Variants in CCDC148 observed in about 807,000 individuals in gnomAD.
CCDC148 encodes coiled-coil domain-containing protein 148.
Under a neutral mutation model 85.7 loss-of-function variants are expected in CCDC148, and 89 were observed. The ratio of observed to expected loss-of-function variants is 1.04; its 90% CI spans 0.87 to 1.24. CCDC148 has a LOEUF of 1.24. Ranked by LOEUF, CCDC148 falls within the 50% of genes most tolerant of loss-of-function variation. The pLI is 0.00. For missense variants in CCDC148, 692 were observed against 671.7 expected, an observed-to-expected ratio of 1.03 and a Z score of -0.33; for synonymous variants, 230 against 213.9, an observed-to-expected ratio of 1.08 and a Z score of -0.66.
chr2:158,278,665 T>A (rs1690090624), intron 9 of CCDC148, among the ~76,000 whole-genome samples: 1 of 152,262 alleles, frequency 6.6e-6, no homozygotes, highest in Admixed American at 6.5e-5. Flanking sequence ...CAAGGAGGCC[T>A]GCCTGCCTCT....
chr2:158,345,761 A>G (rs1489384363), intron 2 of CCDC148, among the ~76,000 whole-genome samples: 2 of 152,148 alleles, frequency 1.3e-5, no homozygotes, highest in African/African-American at 4.8e-5. Context: ...TCAAGATTAT[A>G]AAGCTCATAA....
At chr2:158,331,002 A>G (rs992329321) in intron 7 of CCDC148, among the ~76,000 whole-genome samples, 4 of 151,812 alleles carry the variant, frequency 2.6e-5, no homozygotes, top group African/African-American at 9.7e-5. Context: ...TTCTGTCTCT[A>G]TTTCCTTCAG....
chr2:158,331,971 C>T (rs1693154081), intron 7 of CCDC148, among the ~76,000 whole-genome samples: 1 of 152,132 alleles, frequency 6.6e-6, no homozygotes, highest in Non-Finnish European at 1.5e-5. Context: ...ATTTGCCAGT[C>T]TGTGTCTTTT....
intron 7 of CCDC148, among the ~76,000 whole-genome samples, chr2:158,320,461 G>A (rs1692470364): frequency 6.6e-6 from 1 of 152,092 alleles, no homozygotes; most frequent in Admixed American, 6.6e-5. Context: ...ACTGCAATTG[G>A]ACTTCAAGGT....
chr2:158,322,373 A>T (rs1348436890), intron 7 of CCDC148, among the ~76,000 whole-genome samples: 1 of 152,102 alleles, frequency 6.6e-6, no homozygotes, highest in Non-Finnish European at 1.5e-5. Flanking sequence ...TCATAGAAGC[A>T]GCTCAGTAAC....
At chr2:158,247,812 C>T (rs991346398) in intron 10 of CCDC148, among the ~76,000 whole-genome samples, 4 of 152,030 alleles carry the variant, frequency 2.6e-5, no homozygotes, top group Non-Finnish European at 2.9e-5. Context: ...GCCAAGATCA[C>T]GCCATTGCAC....
intron 2 of CCDC148, among the ~76,000 whole-genome samples, chr2:158,355,037 G>A (rs1232954030): frequency 6.6e-6 from 1 of 152,064 alleles, no homozygotes; most frequent in African/African-American, 2.4e-5. Flanking sequence ...AATCCTTCAT[G>A]CTAAAAACTC....
At chr2:158,359,641 G>A (rs1474350735) in intron 1 of CCDC148, among the ~76,000 whole-genome samples, 1 of 152,152 alleles carries the variant, frequency 6.6e-6, no homozygotes, top group Non-Finnish European at 1.5e-5. Flanking sequence ...GAGGAATGGT[G>A]CACCCCAGCC....
intron 1 of CCDC148, among the ~76,000 whole-genome samples, chr2:158,431,007 G>T (rs1024691930): frequency 6.6e-6 from 1 of 151,426 alleles, no homozygotes; most frequent in African/African-American, 2.4e-5. Flanking sequence ...TGAACTTAAA[G>T]ACACAACAAT....
rs1686991761 is a variant in CCDC148 at position 158,424,711 on chromosome 2, T to C, written c.25+31704A>G. 4 of 131,008 alleles carry C rather than the reference T, an allele frequency of 3.1e-5. No homozygotes were observed. In the South Asian group the frequency reaches 4.1e-4, roughly 14 times the overall value. 8.1% of individuals were successfully genotyped at this position (131,008 alleles called of 1,614,324 possible). A position where few individuals can be genotyped will look rare whatever the true frequency, so the allele number is the denominator to read the frequency against. Reference sequence around the variant, plus strand: ...TGCACATGTACCCTAGAACTTAAAGTATAATAATAAAAAAAAGGGAAAGAA... The same window carrying C: ...TGCACATGTACCCTAGAACTTAAAGCATAATAATAAAAAAAAGGGAAAGAA... On this transcript the variant is annotated intron_variant, in intron 1 of 13. Coordinates refer to ENST00000283233, the MANE Select transcript of CCDC148 (RefSeq NM_138803.4).
intron 10 of CCDC148, among the ~76,000 whole-genome samples, chr2:158,222,401 T>G (rs1013144770): frequency 6.6e-6 from 1 of 152,152 alleles, no homozygotes; most frequent in Admixed American, 6.5e-5. Context: ...GTTATTTCCA[T>G]CTTTGACTCT....
At chr2:158,288,751 G>C in intron 9 of CCDC148, 1 of 399,264 alleles carries the variant, frequency 2.5e-6, no homozygotes, top group South Asian at 1.9e-5. Context: ...ACATTTTCGG[G>C]TATCTTTTCA....
intron 1 of CCDC148, among the ~76,000 whole-genome samples, chr2:158,452,945 C>A (rs1374991908): frequency 3.3e-5 from 5 of 152,214 alleles, no homozygotes; most frequent in Admixed American, 6.5e-5. Context: ...ACTTGCTTAG[C>A]AAAGCTGAGT....
chr2:158,347,600 C>T (rs996294655), intron 2 of CCDC148, among the ~76,000 whole-genome samples: 20 of 151,916 alleles, frequency 1.3e-4, no homozygotes, highest in African/African-American at 3.4e-4. Flanking sequence ...AGAATGCTGA[C>T]GATTCAAAAA....
At chr2:158,238,599 G>T (rs1559008922) in intron 10 of CCDC148, among the ~76,000 whole-genome samples, 1 of 152,096 alleles carries the variant, frequency 6.6e-6, no homozygotes, top group Non-Finnish European at 1.5e-5. Context: ...TCCTGTAAGT[G>T]TTTACACATC....
chr2:158,303,334 C>T (rs1199890053), intron 9 of CCDC148, among the ~76,000 whole-genome samples: 1 of 152,108 alleles, frequency 6.6e-6, no homozygotes, highest in South Asian at 2.1e-4. Flanking sequence ...TTTTGTAGAA[C>T]TCTTGTATGC....
intron 1 of CCDC148, among the ~76,000 whole-genome samples, chr2:158,415,625 G>A (rs537211069): frequency 1.3e-3 from 203 of 152,264 alleles, no homozygotes; most frequent in South Asian, 4.1e-3. Flanking sequence ...CTATGAGCCT[G>A]TAAAATCTAA....
At chr2:158,216,698 A>C (rs1306286821) in intron 11 of CCDC148, among the ~76,000 whole-genome samples, 1 of 152,220 alleles carries the variant, frequency 6.6e-6, no homozygotes, top group Non-Finnish European at 1.5e-5. Flanking sequence ...GAAGCCCAAG[A>C]TCAATGTGCC....
Position 158,385,958 on chromosome 2 carries a change from C to G in CCDC148, c.26-27388G>C, listed in dbSNP as rs1454397589. ...TGGTTTTCTGTGCTACTGCCTCATC[C>G]AAGCCCTAACAAATAGTGGGGTCTG... is the stretch of plus-strand genomic sequence containing the variant. On this transcript the variant is annotated intron_variant, in intron 1 of 13. Transcript: ENST00000283233. Among the ~76,000 whole-genome samples, 12 of 152,086 alleles carry G rather than the reference C, an allele frequency of 7.9e-5. 1 individual carries two copies.
Sources: gnomAD v4.1 joint callset for allele counts (sites outside exome capture counted in the v4.1 genomes callset) on GRCh38, gnomAD v4.1.1 for gene constraint, MANE v1.5 for transcripts, NCBI Gene and HGNC (gene_info 2026-07-23, HGNC 2026-07-21) for gene names.